GINS1: variants seen among roughly 807,000 people sequenced by gnomAD.
The protein encoded by GINS1 is GINS complex subunit 1.
In GINS1, 26 loss-of-function variants were observed where a neutral mutation model predicts 34.9. The ratio of observed to expected loss-of-function variants is 0.74; its 90% CI spans 0.55 to 1.03. GINS1 has a LOEUF of 1.03. Ranked by LOEUF, GINS1 falls within the 50% of genes least tolerant of loss-of-function variation. The probability of loss-of-function intolerance (pLI) is 0.00; values close to 1 mark genes in which losing one functional copy is unlikely to be tolerated. For synonymous variants in GINS1, 97 were observed against 84.4 expected (o/e 1.15, Z -0.82); for missense variants, 235 against 237.9 (o/e 0.99, Z 0.08).
In GINS1 at chr20:25,424,660, C is replaced by T. The variant is rs568714639; in HGVS notation, c.331-551C>T. On this transcript the variant is annotated intron_variant, in intron 4 of 6. Coordinates refer to ENST00000262460, the MANE Select transcript of GINS1 (RefSeq NM_021067.5). ...CCCTCCTCCCAGCTCCTGGAAATCC[C>T]GAATCTACTTTCTGTCTCTATAGAT... 1.2e-4 allele frequency among the ~76,000 whole-genome samples: 18 copies of T among 152,224 alleles called. No homozygotes were observed. In the South Asian group the frequency reaches 3.3e-3, roughly 28 times the overall value.
At chr20:25,414,072 C>G (rs2090304884) in intron 2 of GINS1, among the ~76,000 whole-genome samples, 1 of 151,484 alleles carries the variant, frequency 6.6e-6, no homozygotes, top group African/African-American at 2.4e-5. Flanking sequence ...TGCCTGTAAT[C>G]CCAGCTACTC....
At chr20:25,438,196 A>G (rs1260664299) in intron 5 of GINS1, among the ~76,000 whole-genome samples, 2 of 151,886 alleles carry the variant, frequency 1.3e-5, no homozygotes, top group African/African-American at 4.8e-5. Context: ...CCAATTAGCC[A>G]TGAGTGTCCA....
chr20:25,416,390 T>A (rs752599739), intron 2 of GINS1, among the ~76,000 whole-genome samples: 1 of 152,146 alleles, frequency 6.6e-6, no homozygotes, highest in Non-Finnish European at 1.5e-5. Context: ...CTAGAAGACA[T>A]GACAGGATGG....
intron 2 of GINS1, among the ~76,000 whole-genome samples, chr20:25,416,085 G>A (rs1006221753): frequency 3.3e-5 from 5 of 152,164 alleles, no homozygotes; most frequent in Non-Finnish European, 7.4e-5. Flanking sequence ...GTGTAAGTGT[G>A]GACAGGTGGT....
chr20:25,423,941 A>C lies in GINS1; in HGVS notation c.331-1270A>C, dbSNP rs115089266. ...TTTTCTATGTAATCTTTTAGGAGCT[A>C]TATTTTACCTTTTACAAAGAGATCT... is the stretch of plus-strand genomic sequence containing the variant. On this transcript the variant is annotated intron_variant, in intron 4 of 6. Transcript: ENST00000262460. 6.7e-3 allele frequency among the ~76,000 whole-genome samples: 1,019 copies of C among 152,112 alleles called. 10 individuals carry two copies. The highest frequency in any genetic ancestry group is 0.024 in the African/African-American group (977 of 41,498).
intron 5 of GINS1, among the ~76,000 whole-genome samples, chr20:25,431,589 G>C (rs1218602742): frequency 1.6e-5 from 1 of 60,770 alleles, no homozygotes; most frequent in Non-Finnish European, 3.2e-5. Flanking sequence ...TTTTTTTTTT[G>C]AGACAGGATC....
intron 1 of GINS1, among the ~76,000 whole-genome samples, chr20:25,411,935 C>A (rs1055025695): frequency 7.0e-6 from 1 of 143,834 alleles, no homozygotes; most frequent in Non-Finnish European, 1.5e-5. Flanking sequence ...AAGAACAAAA[C>A]TCCGTCTCAA....
intron 2 of GINS1, among the ~76,000 whole-genome samples, chr20:25,414,438 C>T (rs979608275): frequency 1.1e-4 from 17 of 152,020 alleles, no homozygotes; most frequent in Non-Finnish European, 1.9e-4. Context: ...AGGCTGGACA[C>T]GGTGGCTCAT....
chr20:25,422,659 C>T (rs573084132), intron 4 of GINS1, among the ~76,000 whole-genome samples: 1 of 152,206 alleles, frequency 6.6e-6, no homozygotes, highest in East Asian at 1.9e-4. Flanking sequence ...TTTAGTGTTG[C>T]CCATTTTTTG....
intron 5 of GINS1, among the ~76,000 whole-genome samples, chr20:25,440,772 C>G (rs2090477428): frequency 7.1e-6 from 1 of 141,070 alleles, no homozygotes; most frequent in African/African-American, 2.7e-5. Context: ...GATCACACCA[C>G]TGCACTCTGG....
chr20:25,409,390 C>A (rs1294560084), intron 1 of GINS1, among the ~76,000 whole-genome samples: 1 of 152,130 alleles, frequency 6.6e-6, no homozygotes, highest in Non-Finnish European at 1.5e-5. Context: ...TGTGTCAGGT[C>A]AGTGGCACTG....
At chr20:25,415,330 T>G (rs187394948) in intron 2 of GINS1, among the ~76,000 whole-genome samples, 2 of 152,286 alleles carry the variant, frequency 1.3e-5, no homozygotes, top group African/African-American at 4.8e-5. Context: ...TACTCAAATA[T>G]GTACTAAACA....
At chr20:25,426,642 C>T (rs1057307531) in intron 5 of GINS1, among the ~76,000 whole-genome samples, 1 of 151,904 alleles carries the variant, frequency 6.6e-6, no homozygotes, top group African/African-American at 2.4e-5. Flanking sequence ...TCTCTGGCCT[C>T]AGCCTCCCAA....
At chr20:25,414,745 T>C (rs189157001) in intron 2 of GINS1, among the ~76,000 whole-genome samples, 24 of 152,282 alleles carry the variant, frequency 1.6e-4, no homozygotes, top group Admixed American at 1.6e-3. Context: ...GTGAAATACA[T>C]GGTTCCCACT....
chr20:25,423,738 C>T (rs546778827), intron 4 of GINS1, among the ~76,000 whole-genome samples: 3 of 151,280 alleles, frequency 2.0e-5, no homozygotes, highest in African/African-American at 4.9e-5. Flanking sequence ...CTCAGCCTCC[C>T]GAGTAGCTGG....
intron 5 of GINS1, among the ~76,000 whole-genome samples, chr20:25,426,388 AC>A (rs2090390917): frequency 6.6e-6 from 1 of 151,486 alleles, no homozygotes; most frequent in Admixed American, 6.6e-5. Flanking sequence ...ACATGGAGAA[AC>A]CCCGTCTCTA....
At chr20:25,408,517 A>G (rs956116596) in intron 1 of GINS1, among the ~76,000 whole-genome samples, 2 of 152,132 alleles carry the variant, frequency 1.3e-5, no homozygotes, top group Non-Finnish European at 2.9e-5. Flanking sequence ...CTGCTACCCC[A>G]GGGAGAGTGC....
intron 1 of GINS1, among the ~76,000 whole-genome samples, chr20:25,410,576 T>C (rs1387177131): frequency 1.3e-5 from 2 of 152,032 alleles, no homozygotes; most frequent in Non-Finnish European, 2.9e-5. Context: ...TTTTTATTGT[T>C]TTGAGATGGG....
chr20:25,422,927 C>T (rs1380967989), intron 4 of GINS1, among the ~76,000 whole-genome samples: 1 of 151,848 alleles, frequency 6.6e-6, no homozygotes, highest in Non-Finnish European at 1.5e-5. Context: ...CAGGCATGCA[C>T]CACCACGCCT....
Sources: gnomAD v4.1 joint callset for allele counts (sites outside exome capture counted in the v4.1 genomes callset) on GRCh38, gnomAD v4.1.1 for gene constraint, MANE v1.5 for transcripts, NCBI Gene and HGNC (gene_info 2026-07-23, HGNC 2026-07-21) for gene names.